Variants in GPC3 observed in about 807,000 individuals in gnomAD.
The protein encoded by GPC3 is glypican 3, also known as glypican-3.
GPC3 carries 3 observed loss-of-function variants against 34.4 expected under a neutral mutation model. That is an observed-to-expected ratio of 0.09 (90% CI 0.04 to 0.23). The LOEUF is 0.23. Among genes scored for constraint, GPC3 ranks in the 10% least tolerant of loss-of-function variants. GPC3 has a pLI of 1.00. For synonymous variants in GPC3, 177 were observed against 174.0 expected (o/e 1.02, Z -0.13); for missense variants, 351 against 445.6 (o/e 0.79, Z 1.91).
intron 6 of GPC3, among the ~76,000 whole-genome samples, chrX:133,652,374 C>A (rs2070613511): frequency 9.0e-6 from 1 of 110,923 alleles, no homozygotes; most frequent in Non-Finnish European, 1.9e-5. Context: ...ATATTACTCT[C>A]AGAAGTGATG....
chrX:133,617,919 C>A (rs1009626483), intron 6 of GPC3, among the ~76,000 whole-genome samples: 3 of 111,513 alleles, frequency 2.7e-5, no homozygotes, highest in African/African-American at 9.8e-5. Context: ...CCACTGTGCC[C>A]AGCCCCTAGT....
intron 2 of GPC3, among the ~76,000 whole-genome samples, chrX:133,791,027 G>A (rs150052152): frequency 0.014 from 1,559 of 111,563 alleles, 27 homozygotes; most frequent in African/African-American, 0.047. Flanking sequence ...GTTCATTAGT[G>A]CTTTGACCCT....
At chrX:133,933,854 T>C (rs1217535694) in intron 2 of GPC3, among the ~76,000 whole-genome samples, 3 of 108,841 alleles carry the variant, frequency 2.8e-5, no homozygotes, top group Non-Finnish European at 5.7e-5. Context: ...TAAACCTCTT[T>C]TCTTTTTTTT....
At chrX:133,577,114 T>C (rs1673571209) in intron 7 of GPC3, among the ~76,000 whole-genome samples, 1 of 111,972 alleles carries the variant, frequency 8.9e-6, no homozygotes, top group African/African-American at 3.2e-5. Flanking sequence ...GTTCAGGCCA[T>C]GGGGCATGGA....
chrX:133,948,441 C>G (rs183247134), intron 2 of GPC3, among the ~76,000 whole-genome samples: 27 of 110,713 alleles, frequency 2.4e-4, no homozygotes, highest in East Asian at 8.6e-4. Flanking sequence ...CCCTCCCCCC[C>G]ATTCAGAGAT....
intron 2 of GPC3, among the ~76,000 whole-genome samples, chrX:133,828,981 TATAA>T (rs2075763042): frequency 9.0e-6 from 1 of 111,614 alleles, no homozygotes; most frequent in Non-Finnish European, 1.9e-5. Flanking sequence ...CAATTAAAAA[TATAA>T]ATAAAGTAAC....
At chrX:133,672,886 G>A (rs966975380) in intron 5 of GPC3, among the ~76,000 whole-genome samples, 7 of 107,908 alleles carry the variant, frequency 6.5e-5, no homozygotes, top group East Asian at 2.9e-4. Flanking sequence ...TCCTGACCTC[G>A]TGATCCGCCT....
intron 3 of GPC3, among the ~76,000 whole-genome samples, chrX:133,714,935 G>A (rs2071300449): frequency 8.9e-6 from 1 of 111,771 alleles, no homozygotes; most frequent in African/African-American, 3.3e-5. Context: ...GCCACTGGAG[G>A]GAGCAGAATG....
chrX:133,553,697 A>G (rs942510076), intron 7 of GPC3, among the ~76,000 whole-genome samples: 2 of 111,879 alleles, frequency 1.8e-5, no homozygotes. Flanking sequence ...CCTTGGAATA[A>G]TATTTTGCCC....
At chrX:133,863,648 C>CTTTTTTTTT (rs1165193952) in intron 2 of GPC3, among the ~76,000 whole-genome samples, 743 of 72,841 alleles carry the variant, frequency 0.01, 118 homozygotes, top group African/African-American at 0.059. Flanking sequence ...AAAAATATTC[C>CTTTTTTTTT]TTTTTTTTTT....
At chrX:133,852,271 G>A (rs771063118) in intron 2 of GPC3, among the ~76,000 whole-genome samples, 20 of 111,628 alleles carry the variant, frequency 1.8e-4, no homozygotes, top group African/African-American at 5.2e-4. Flanking sequence ...AGGCCTTTGA[G>A]GGGTAGAGGG....
At chrX:133,621,366 G>A (rs765953515) in intron 6 of GPC3, among the ~76,000 whole-genome samples, 10 of 111,786 alleles carry the variant, frequency 8.9e-5, no homozygotes, top group Non-Finnish European at 1.1e-4. Flanking sequence ...CACCTCACCC[G>A]GGAAGTGCAA....
intron 2 of GPC3, among the ~76,000 whole-genome samples, chrX:133,813,138 C>T (rs1378842060): frequency 8.9e-6 from 1 of 112,536 alleles, no homozygotes; most frequent in African/African-American, 3.2e-5. Flanking sequence ...GCCCCATGGG[C>T]CAAATCTATT....
At chrX:133,679,571 TAG>T (rs1269646793) in intron 5 of GPC3, among the ~76,000 whole-genome samples, 1 of 111,723 alleles carries the variant, frequency 9.0e-6, no homozygotes, top group Non-Finnish European at 1.9e-5. Context: ...TAAACATGTA[TAG>T]AGAGTTTACT....
chrX:133,613,252 T>C (rs1340972205), intron 6 of GPC3, among the ~76,000 whole-genome samples: 1 of 112,251 alleles, frequency 8.9e-6, no homozygotes, highest in Non-Finnish European at 1.9e-5. Context: ...TGCTCTTCTA[T>C]GTAATTTGCT....
chrX:133,755,719 T>TTTTG (rs200214750), intron 2 of GPC3, among the ~76,000 whole-genome samples: 1,680 of 111,856 alleles, frequency 0.015, 44 homozygotes, highest in African/African-American at 0.05. Context: ...CACTTGGTTT[T>TTTTG]TTTGTTTGTT....
At chrX:133,736,730 A>G (rs2071514510) in intron 3 of GPC3, among the ~76,000 whole-genome samples, 1 of 111,777 alleles carries the variant, frequency 8.9e-6, no homozygotes, top group African/African-American at 3.3e-5. Context: ...GGGGAGATGG[A>G]GAGTAATAGG....
intron 3 of GPC3, chrX:133,704,405 A>G (rs1301217889): frequency 9.0e-6 from 3 of 332,029 alleles, no homozygotes; most frequent in Non-Finnish European, 1.6e-5. Flanking sequence ...AGAAATCCAT[A>G]CAAATATGTT....
At chrX:133,675,934 C>T (rs1009699744) in intron 5 of GPC3, among the ~76,000 whole-genome samples, 2 of 112,482 alleles carry the variant, frequency 1.8e-5, no homozygotes, top group African/African-American at 6.5e-5. Flanking sequence ...CTACTAATTC[C>T]GGTCTGGACT....
Sources: allele counts gnomAD v4.1 joint callset (sites outside exome capture counted in the v4.1 genomes callset), GRCh38; gene constraint gnomAD v4.1.1; transcripts MANE v1.5; gene names NCBI Gene and HGNC (gene_info 2026-07-23, HGNC 2026-07-21).